Variants in NINL observed in about 807,000 individuals in gnomAD.
NINL encodes ninein-like protein.
Under a neutral mutation model 160.3 loss-of-function variants are expected in NINL, and 153 were observed. The ratio of observed to expected loss-of-function variants is 0.95; its 90% CI spans 0.84 to 1.09. The LOEUF is 1.09. Among genes scored for constraint, NINL ranks in the 50% least tolerant of loss-of-function variants. The pLI, the probability that NINL is intolerant of heterozygous loss-of-function variation, is 0.00. For missense variants in NINL, 1,829 were observed against 1,764.0 expected (o/e 1.04, Z -0.66); for synonymous variants, 800 against 734.8 (o/e 1.09, Z -1.43).
At chr20:25,463,145 G>A (rs1326708704) in intron 19 of NINL, among the ~76,000 whole-genome samples, 4 of 152,076 alleles carry the variant, frequency 2.6e-5, no homozygotes, top group African/African-American at 4.8e-5. Flanking sequence ...GGCCCCAAAC[G>A]TCACCAGTGC....
intron 2 of NINL, among the ~76,000 whole-genome samples, chr20:25,525,042 A>G (rs549806827): frequency 6.6e-6 from 1 of 152,084 alleles, no homozygotes; most frequent in African/African-American, 2.4e-5. Context: ...TCCCAAACAC[A>G]CTTCCAGGTG....
At chr20:25,503,193 C>T (rs565199423) in intron 7 of NINL, among the ~76,000 whole-genome samples, 1 of 151,680 alleles carries the variant, frequency 6.6e-6, no homozygotes, top group Non-Finnish European at 1.5e-5. Context: ...GCACTGCCTC[C>T]TGTAACCCCA....
intron 8 of NINL, 106 bp from the exon 9 acceptor site, chr20:25,498,452 A>G: frequency 1.4e-6 from 2 of 1,424,166 alleles, no homozygotes; most frequent in Non-Finnish European, 1.9e-6. Context: ...TGGCTGTCCC[A>G]GGCAGCACCT....
intron 1 of NINL, among the ~76,000 whole-genome samples, chr20:25,561,885 C>A (rs2064944083): frequency 6.6e-6 from 1 of 151,958 alleles, no homozygotes; most frequent in East Asian, 1.9e-4. Context: ...AGCAGCCACC[C>A]CGTCCGGAAG....
chr20:25,476,064 A>G lies in NINL; in HGVS notation c.3227T>C (p.Val1076Ala). ...EDVVRALEKHVDLRENDRLEF... is the reference protein window; with the variant it reads ...EDVVRALEKHADLRENDRLEF... Reference sequence around the variant, plus strand: ...AAACCTGTCGTTCTCTCTCAAATCTACATGTTTCTCCAGAGCCCGGACGAC... The same window carrying G: ...AAACCTGTCGTTCTCTCTCAAATCTGCATGTTTCTCCAGAGCCCGGACGAC... Residue 1076 changes from valine to alanine, a missense_variant, in exon 17 of 24, where the codon GTA becomes GCA. Val to Ala is a moderately conservative substitution (Grantham distance 64, BLOSUM62 0). Transcript: ENST00000278886. The G allele has an allele frequency of 3.1e-6, 5 of 1,613,432 alleles. No homozygotes were observed. Among genetic ancestry groups the G allele is most frequent in the Non-Finnish European group, 4.2e-6 (5 of 1,179,512 alleles).
chr20:25,574,131 T>C (rs760853389), intron 1 of NINL, among the ~76,000 whole-genome samples: 1 of 152,160 alleles, frequency 6.6e-6, no homozygotes, highest in Non-Finnish European at 1.5e-5. Context: ...GATTCTAGTA[T>C]AAATGACTGT....
At chr20:25,566,591 T>C (rs141725100) in intron 1 of NINL, among the ~76,000 whole-genome samples, 2 of 152,274 alleles carry the variant, frequency 1.3e-5, no homozygotes, top group African/African-American at 4.8e-5. Flanking sequence ...CATAAAAATA[T>C]GCAAACTCTA....
intron 5 of NINL, among the ~76,000 whole-genome samples, chr20:25,506,169 G>C (rs2063958466): frequency 6.6e-6 from 1 of 152,234 alleles, no homozygotes; most frequent in Admixed American, 6.5e-5. Flanking sequence ...GGCTGAGGCA[G>C]AGAACTGCAT....
At chr20:25,533,639 A>C (rs539113975) in intron 1 of NINL, among the ~76,000 whole-genome samples, 1 of 152,318 alleles carries the variant, frequency 6.6e-6, no homozygotes, top group South Asian at 2.1e-4. Context: ...CATGCATACA[A>C]ATGATCTTCA....
At chr20:25,521,968 T>C (rs2064271637) in intron 2 of NINL, among the ~76,000 whole-genome samples, 1 of 152,192 alleles carries the variant, frequency 6.6e-6, no homozygotes, top group South Asian at 2.1e-4. Context: ...TCACTCAGGC[T>C]CAATCACAGC....
At chr20:25,572,636 G>A (rs1030453199) in intron 1 of NINL, among the ~76,000 whole-genome samples, 3 of 152,182 alleles carry the variant, frequency 2.0e-5, no homozygotes, top group South Asian at 4.2e-4. Flanking sequence ...GCCAGAGTTG[G>A]AACACAAACC....
In NINL at chr20:25,489,326, T is replaced by C. The variant is rs755413449; in HGVS notation, c.1597-2A>G. ...GAGCTCTGCACTCTGTGGCTCCAGC[T>C]GAAAGGCAGACACAAAGGAAGTCAC... On this transcript the variant is annotated splice_acceptor_variant, in intron 12 of 23. Coordinates refer to ENST00000278886, the MANE Select transcript of NINL (RefSeq NM_025176.6). LOFTEE classifies it high-confidence loss of function. The C allele has an allele frequency of 3.7e-6, 6 of 1,613,496 alleles. No individual in the cohort carries two copies. In the South Asian group the frequency reaches 6.6e-5, roughly 18 times the overall value.
At chr20:25,505,452 T>C (rs969165652) in intron 5 of NINL, among the ~76,000 whole-genome samples, 1 of 152,200 alleles carries the variant, frequency 6.6e-6, no homozygotes, top group African/African-American at 2.4e-5. Context: ...TAAGAGAGTC[T>C]ATCTCAAGTG....
intron 23 of NINL, among the ~76,000 whole-genome samples, chr20:25,454,143 G>C (rs1372056885): frequency 6.6e-6 from 1 of 152,174 alleles, no homozygotes; most frequent in Non-Finnish European, 1.5e-5. Context: ...AATCTGCTGG[G>C]CTATGTGATG....
chr20:25,574,837 G>A (rs557293152), intron 1 of NINL, among the ~76,000 whole-genome samples: 1 of 152,084 alleles, frequency 6.6e-6, no homozygotes, highest in Non-Finnish European at 1.5e-5. Flanking sequence ...AAGCTCCTAG[G>A]AGTCTTCTTT....
intron 1 of NINL, among the ~76,000 whole-genome samples, chr20:25,558,308 A>C (rs1006224260): frequency 2.0e-5 from 3 of 152,164 alleles, no homozygotes; most frequent in Non-Finnish European, 4.4e-5. Flanking sequence ...CCTGGATTCA[A>C]GCGATTCTCC....
chr20:25,523,612 T>C (rs973729151), intron 2 of NINL, among the ~76,000 whole-genome samples: 3 of 152,092 alleles, frequency 2.0e-5, no homozygotes, highest in Admixed American at 1.3e-4. Context: ...TATATGATAG[T>C]TACTACAAGG....
chr20:25,583,261 C>CT (rs1230352536), intron 1 of NINL, among the ~76,000 whole-genome samples: 1 of 151,988 alleles, frequency 6.6e-6, no homozygotes, highest in Non-Finnish European at 1.5e-5. Flanking sequence ...ATAGAAGGAA[C>CT]TTAAACAAAT....
At chr20:25,564,134 G>C (rs911988707) in intron 1 of NINL, among the ~76,000 whole-genome samples, 1 of 143,504 alleles carries the variant, frequency 7.0e-6, no homozygotes, top group African/African-American at 2.5e-5. Flanking sequence ...GGCTGAGGTG[G>C]CTTTTTTTTT....
Sources: allele counts gnomAD v4.1 joint callset (sites outside exome capture counted in the v4.1 genomes callset), GRCh38; gene constraint gnomAD v4.1.1; transcripts MANE v1.5; gene names NCBI Gene and HGNC (gene_info 2026-07-23, HGNC 2026-07-21).